Variants in HOTAIR observed in about 807,000 individuals in gnomAD.
HOTAIR encodes the protein HOX transcript antisense RNA.
chr12:53,969,287 A>C (rs1350157385), intron 1 of HOTAIR, among the ~76,000 whole-genome samples: 1 of 152,154 alleles, frequency 6.6e-6, no homozygotes, highest in Non-Finnish European at 1.5e-5. Flanking sequence ...TAGGGCTTTT[A>C]TGGGAAGAAA....
At chr12:53,964,499 A>G (rs1357414049) in intron 5 of HOTAIR, among the ~76,000 whole-genome samples, 3 of 152,160 alleles carry the variant, frequency 2.0e-5, no homozygotes, top group Non-Finnish European at 2.9e-5. Flanking sequence ...ACAGAACTAT[A>G]AAGTCTGGGA....
intron 1 of HOTAIR, among the ~76,000 whole-genome samples, chr12:53,974,498 C>T (rs1592196555): frequency 6.6e-6 from 1 of 152,126 alleles, no homozygotes; most frequent in South Asian, 2.1e-4. Flanking sequence ...CGCGGGTCCT[C>T]GAGCAGAAAC....
chr12:53,969,510 T>C (rs998256553), intron 1 of HOTAIR, among the ~76,000 whole-genome samples: 1 of 152,208 alleles, frequency 6.6e-6, no homozygotes, highest in African/African-American at 2.4e-5. Flanking sequence ...AGCCAGGAAC[T>C]AGCAGTCCCA....
chr12:53,969,864 T>C (rs1488275583), intron 1 of HOTAIR, among the ~76,000 whole-genome samples: 2 of 152,198 alleles, frequency 1.3e-5, no homozygotes, highest in East Asian at 3.8e-4. Context: ...TGGGCTCCTT[T>C]CCCTACCACG....
At chr12:53,964,213 A>T (rs756772639) in intron 6 of HOTAIR, 1 of 58,426 alleles carries the variant, frequency 1.7e-5, no homozygotes, top group Admixed American at 1.7e-4. Context: ...AAATAAAGTT[A>T]AAAAAAAAAC....
chr12:53,968,814 T>C (rs1426327465), intron 1 of HOTAIR: 1 of 152,276 alleles, frequency 6.6e-6, no homozygotes, highest in Non-Finnish European at 1.5e-5. Context: ...TTTTTTGTTT[T>C]TGTTTTTGGT....
intron 5 of HOTAIR, chr12:53,965,907 A>T (rs907773253): frequency 6.6e-6 from 1 of 152,210 alleles, no homozygotes; most frequent in Non-Finnish European, 1.5e-5. Flanking sequence ...GGGCGCCTGC[A>T]GCAGTCTGGG....
chr12:53,974,849 C>A, intron 1 of HOTAIR: 1 of 254,116 alleles, frequency 3.9e-6, no homozygotes, highest in Non-Finnish European at 7.4e-6. Context: ...AGGAAGGGCC[C>A]GAGGGCGGAG....
intron 1 of HOTAIR, among the ~76,000 whole-genome samples, chr12:53,970,341 G>T (rs1374858854): frequency 6.6e-6 from 1 of 152,228 alleles, no homozygotes; most frequent in African/African-American, 2.4e-5. Context: ...AGAATCCACA[G>T]GCTGAGAGGG....
chr12:53,964,346 T>A (rs1592192645), intron 5 of HOTAIR: 1 of 152,196 alleles, frequency 6.6e-6, no homozygotes, highest in African/African-American at 2.4e-5. Flanking sequence ...TATAGTCATC[T>A]ATTAAGAGCA....
exon 7 of HOTAIR, chr12:53,962,656 T>C (rs1305599084): frequency 1.4e-5 from 2 of 138,536 alleles, no homozygotes; most frequent in East Asian, 4.1e-4. Context: ...GCAATCTTAA[T>C]AGCAGGAGGA....
intron 1 of HOTAIR, among the ~76,000 whole-genome samples, chr12:53,972,230 G>T: frequency 6.6e-6 from 1 of 152,240 alleles, no homozygotes; most frequent in Middle Eastern, 3.2e-3. Flanking sequence ...TGACATAGAA[G>T]ATACATGGCT....
Position 53,973,679 on chromosome 12 carries a change from C to A in HOTAIR, n.59+1219G>T. On this transcript the variant is annotated intron_variant and non_coding_transcript_variant, in intron 1 of 6. Coordinates refer to ENST00000424518, the Ensembl canonical transcript of HOTAIR. The surrounding 1 kb of genome is among the most constrained non-coding windows in gnomAD (Gnocchi z 4.3). ...ACTCCTCAGTCAACAAGAACAGCGT[C>A]CTGCCTCAAGCCTTCGACCGTTTCT... 6.2e-7 allele frequency: 1 copy of A among 1,613,756 alleles called. No homozygotes were observed. Among genetic ancestry groups the A allele is most frequent in the Non-Finnish European group, 8.5e-7 (1 of 1,180,036 alleles).
rs1232612816 is a variant in HOTAIR, at chr12:53,973,658, C to T, written n.59+1240G>A. 2 of 1,613,806 alleles carry T rather than the reference C, an allele frequency of 1.2e-6. No homozygotes were observed. Among genetic ancestry groups the T allele is most frequent in the Non-Finnish European group, 1.7e-6 (2 of 1,180,036 alleles). On this transcript the variant is annotated intron_variant and non_coding_transcript_variant, in intron 1 of 6. Coordinates refer to ENST00000424518, the Ensembl canonical transcript of HOTAIR. This position sits in a 1 kb window ranked among gnomAD's most constrained non-coding sequence, Gnocchi z 4.3. ...ACGCAACCCCCGCCGGCTTCTACTC[C>T]TCAGTCAACAAGAACAGCGTCCTGC...
chr12:53,972,969 A>G (rs1203584809), intron 1 of HOTAIR, among the ~76,000 whole-genome samples: 2 of 150,630 alleles, frequency 1.3e-5, no homozygotes, highest in Non-Finnish European at 3.0e-5. Context: ...GAGTGACGAG[A>G]GAAAAACGAA....
chr12:53,973,387 C>A lies in HOTAIR; in HGVS notation n.59+1511G>T, dbSNP rs1337775122. 2.2e-5 allele frequency: 35 copies of A among 1,614,208 alleles called. No individual in the cohort carries two copies. The highest frequency in any genetic ancestry group is 3.0e-5 in the Non-Finnish European group (35 of 1,180,046). On this transcript the variant is annotated intron_variant and non_coding_transcript_variant, in intron 1 of 6. Coordinates refer to ENST00000424518, the Ensembl canonical transcript of HOTAIR. This position sits in a 1 kb window ranked among gnomAD's most constrained non-coding sequence, Gnocchi z 4.3. ...ATGCCCGAGTTCTCCACGGTCTCCT[C>A]CTTCCTGCCCCAGGCCCCCTCTCGT...
rs1429021105 is a variant in HOTAIR, at chr12:53,973,957, C to G, written n.59+941G>C. ...CAGCGGCCGGGGAACGGGCGGGCAGCGAGGGAGGGAGCGAGAGAGGGAGGG... is the reference window on the plus strand; with the variant it reads ...CAGCGGCCGGGGAACGGGCGGGCAGGGAGGGAGGGAGCGAGAGAGGGAGGG... On this transcript the variant is annotated intron_variant and non_coding_transcript_variant, in intron 1 of 6. Transcript: ENST00000424518. The surrounding 1 kb of genome is among the most constrained non-coding windows in gnomAD (Gnocchi z 4.3). The G allele has an allele frequency of 7.1e-7, 1 of 1,417,518 alleles. No homozygotes were observed. Among genetic ancestry groups the G allele is most frequent in the Non-Finnish European group, 9.2e-7 (1 of 1,083,170 alleles). The allele number at this position is 1,417,518 out of a possible 1,614,324, so 87.8% of individuals were successfully genotyped here.
chr12:53,974,003 G>A, intron 1 of HOTAIR: 2 of 1,240,766 alleles, frequency 1.6e-6, no homozygotes, highest in South Asian at 1.6e-5. Context: ...GGGGAGGCAA[G>A]GGGAGCGGGG....
Position 53,973,630 on chromosome 12 carries a change from C to A in HOTAIR, n.59+1268G>T, listed in dbSNP as rs146287117. The A allele has an allele frequency of 1.9e-6, 3 of 1,613,770 alleles. No individual in the cohort carries two copies. In the Admixed American group the frequency reaches 5.0e-5, roughly 27 times the overall value. On this transcript the variant is annotated intron_variant and non_coding_transcript_variant, in intron 1 of 6. Transcript: ENST00000424518. This position sits in a 1 kb window ranked among gnomAD's most constrained non-coding sequence, Gnocchi z 4.3. Reference sequence around the variant, plus strand: ...GGCGGCCACCACCACCCCAGCGCCCCGCACGCAACCCCCGCCGGCTTCTAC... The same window carrying A: ...GGCGGCCACCACCACCCCAGCGCCCAGCACGCAACCCCCGCCGGCTTCTAC...
Sources: gnomAD v4.1 joint callset for allele counts (sites outside exome capture counted in the v4.1 genomes callset) on GRCh38, gnomAD v4.1.1 for gene constraint, Gnocchi (gnomAD v3.1) non-coding constraint, MANE v1.5 for transcripts, NCBI Gene and HGNC (gene_info 2026-07-23, HGNC 2026-07-21) for gene names.